Variants in SNX24 observed in about 807,000 individuals in gnomAD.
SNX24 encodes the protein sorting nexin-24.
SNX24 carries 22 observed loss-of-function variants against 28.7 expected under a neutral mutation model. That is an observed-to-expected ratio of 0.77 (90% confidence interval 0.55 to 1.10). The LOEUF is 1.10. Among genes scored for constraint, SNX24 ranks in the 50% least tolerant of loss-of-function variants. The probability of loss-of-function intolerance (pLI) is 0.00; values close to 1 mark genes in which losing one functional copy is unlikely to be tolerated. For synonymous variants in SNX24, 69 were observed against 71.5 expected (o/e 0.96, Z 0.18); for missense variants, 221 against 201.1 (o/e 1.10, Z -0.60).
At chr5:122,942,422 AG>A (rs1208623663) in intron 2 of SNX24, among the ~76,000 whole-genome samples, 18 of 152,326 alleles carry the variant, frequency 1.2e-4, no homozygotes, top group Non-Finnish European at 2.1e-4. Flanking sequence ...GTGGCAATAC[AG>A]GGGGAAAGAT....
At chr5:122,848,062 T>C (rs1754722074) in intron 1 of SNX24, among the ~76,000 whole-genome samples, 1 of 152,202 alleles carries the variant, frequency 6.6e-6, no homozygotes, top group Admixed American at 6.5e-5. Flanking sequence ...ATGTACACTT[T>C]CGTGTAAAAA....
At position 122,907,788 on chromosome 5, in the gene SNX24, A is replaced by T. The variant is rs934776169; in HGVS notation, c.61-28946A>T. On this transcript the variant is annotated intron_variant, in intron 1 of 6. Coordinates refer to ENST00000261369, the MANE Select transcript of SNX24 (RefSeq NM_014035.4). Reference sequence around the variant, plus strand: ...CAAGTTATCAATTTTTATTTTCCTGATAATGGCACAAGAATTAAAAATCTA... The same window carrying T: ...CAAGTTATCAATTTTTATTTTCCTGTTAATGGCACAAGAATTAAAAATCTA... Among the ~76,000 whole-genome samples the T allele has an allele frequency of 3.9e-5, 6 of 152,310 alleles. No homozygotes were observed. The East Asian group carries it at 1.2e-3, about 29-fold the overall frequency.
chr5:122,863,262 G>T (rs1464119945), intron 1 of SNX24, among the ~76,000 whole-genome samples: 1 of 152,032 alleles, frequency 6.6e-6, no homozygotes, highest in Admixed American at 6.6e-5. Flanking sequence ...AGGAGGTGAG[G>T]GGGTGAGTCA....
chr5:122,867,797 C>T (rs1349374978), intron 1 of SNX24, among the ~76,000 whole-genome samples: 1 of 152,190 alleles, frequency 6.6e-6, no homozygotes, highest in African/African-American at 2.4e-5. Flanking sequence ...TTGTCATTTA[C>T]TGTTTAGAGA....
intron 2 of SNX24, among the ~76,000 whole-genome samples, chr5:122,941,765 A>G (rs1047113879): frequency 3.9e-5 from 6 of 152,218 alleles, no homozygotes; most frequent in African/African-American, 1.4e-4. Flanking sequence ...GAACATGCAT[A>G]TTTATGAATT....
At chr5:122,853,057 C>T (rs919793027) in intron 1 of SNX24, among the ~76,000 whole-genome samples, 3 of 151,616 alleles carry the variant, frequency 2.0e-5, no homozygotes. Flanking sequence ...TAGCAGAAGC[C>T]CACATTAAAT....
chr5:122,866,025 A>C (rs1337239804), intron 1 of SNX24, among the ~76,000 whole-genome samples: 1 of 152,246 alleles, frequency 6.6e-6, no homozygotes, highest in Non-Finnish European at 1.5e-5. Context: ...TTAAGAGAGA[A>C]GAAAACAAAG....
intron 3 of SNX24, among the ~76,000 whole-genome samples, chr5:122,976,455 T>C (rs996215245): frequency 3.3e-5 from 5 of 152,222 alleles, no homozygotes; most frequent in Non-Finnish European, 5.9e-5. Context: ...GTTTAGTAAT[T>C]GTGCCATATT....
chr5:122,958,695 T>C (rs1760326434), intron 3 of SNX24, among the ~76,000 whole-genome samples: 2 of 148,694 alleles, frequency 1.3e-5, no homozygotes, highest in Non-Finnish European at 1.5e-5. Context: ...GGTCATACTT[T>C]ATAGTCTTTT....
chr5:122,997,981 G>A (rs1054728797), intron 3 of SNX24, among the ~76,000 whole-genome samples: 8 of 151,956 alleles, frequency 5.3e-5, no homozygotes, highest in Admixed American at 3.9e-4. Context: ...AAAATACCTC[G>A]GAGTTTTATA....
chr5:122,893,405 T>C (rs959501518), intron 1 of SNX24, among the ~76,000 whole-genome samples: 10 of 152,156 alleles, frequency 6.6e-5, no homozygotes, highest in Non-Finnish European at 1.3e-4. Context: ...GATAATGGTA[T>C]GTAGAAACCA....
At chr5:122,964,392 G>C (rs1296524639) in intron 3 of SNX24, among the ~76,000 whole-genome samples, 2 of 152,030 alleles carry the variant, frequency 1.3e-5, no homozygotes, top group Non-Finnish European at 1.5e-5. Flanking sequence ...GTAAGTAGAG[G>C]TATGCTGTTA....
intron 3 of SNX24, among the ~76,000 whole-genome samples, chr5:122,959,300 G>GTTA (rs1561658236): frequency 6.8e-6 from 1 of 148,056 alleles, no homozygotes. Flanking sequence ...TTTTTTTTTC[G>GTTA]TGTATTCCAT....
At chr5:122,872,960 G>C (rs1377078371) in intron 1 of SNX24, among the ~76,000 whole-genome samples, 1 of 152,000 alleles carries the variant, frequency 6.6e-6, no homozygotes, top group Non-Finnish European at 1.5e-5. Flanking sequence ...TAACCCAGAG[G>C]TTAGTTTTTT....
chr5:122,868,557 C>G (rs1241100959), intron 1 of SNX24, among the ~76,000 whole-genome samples: 1 of 152,198 alleles, frequency 6.6e-6, no homozygotes, highest in Non-Finnish European at 1.5e-5. Context: ...ACGGATACTT[C>G]AGGCACCATT....
chr5:122,868,266 A>G (rs1245326532), intron 1 of SNX24, among the ~76,000 whole-genome samples: 1 of 151,976 alleles, frequency 6.6e-6, no homozygotes, highest in African/African-American at 2.4e-5. Flanking sequence ...TACTATTTCC[A>G]TTTGATGATG....
intron 1 of SNX24, among the ~76,000 whole-genome samples, chr5:122,882,464 C>T (rs181148792): frequency 3.0e-4 from 45 of 152,346 alleles, no homozygotes; most frequent in Middle Eastern, 3.4e-3. Context: ...GACTTGGTCG[C>T]ATCTCAGTGT....
intron 1 of SNX24, among the ~76,000 whole-genome samples, chr5:122,894,311 T>A (rs1757109427): frequency 6.6e-6 from 1 of 152,190 alleles, no homozygotes; most frequent in South Asian, 2.1e-4. Flanking sequence ...TGCACACACA[T>A]ACACACACGC....
intron 1 of SNX24, among the ~76,000 whole-genome samples, chr5:122,868,912 T>A (rs1755849176): frequency 6.6e-6 from 1 of 152,218 alleles, no homozygotes; most frequent in Non-Finnish European, 1.5e-5. Context: ...TGTACCACCT[T>A]CCAAAAGTGA....
Sources: gnomAD v4.1 joint callset for allele counts (sites outside exome capture counted in the v4.1 genomes callset) on GRCh38, gnomAD v4.1.1 for gene constraint, MANE v1.5 for transcripts, NCBI Gene and HGNC (gene_info 2026-07-23, HGNC 2026-07-21) for gene names.